Variants in HCN1 observed in about 807,000 individuals in gnomAD.
HCN1 encodes potassium/sodium hyperpolarization-activated cyclic nucleotide-gated channel 1.
In HCN1, 13 loss-of-function variants were observed where a neutral mutation model predicts 78.9. The observed-to-expected ratio is 0.16, with a 90% CI of 0.11 to 0.26. The LOEUF is 0.26. HCN1 is among the 10% of genes least tolerant of loss of function. The pLI is 1.00. For missense variants in HCN1, 810 were observed against 1,154.3 expected (o/e 0.70, Z 4.32); for synonymous variants, 552 against 455.5 (o/e 1.21, Z -2.70).
At chr5:45,448,478 C>G (rs6875925) in intron 3 of HCN1, among the ~76,000 whole-genome samples, 10,452 of 152,264 alleles carry the variant, frequency 0.069, 448 homozygotes, top group East Asian at 0.14. Context: ...CCAAGTATTA[C>G]TAAATGCCAT....
intron 6 of HCN1, among the ~76,000 whole-genome samples, chr5:45,302,446 G>C (rs1339948988): frequency 1.3e-5 from 2 of 152,014 alleles, no homozygotes; most frequent in Non-Finnish European, 2.9e-5. Flanking sequence ...ATTTACAGTA[G>C]TGTGAAAATG....
intron 1 of HCN1, among the ~76,000 whole-genome samples, chr5:45,648,068 G>A (rs1446764447): frequency 1.3e-5 from 2 of 152,136 alleles, no homozygotes; most frequent in East Asian, 1.9e-4. Flanking sequence ...TGGATTAAAC[G>A]AGACGATATA....
At chr5:45,363,332 G>A (rs1747163725) in intron 4 of HCN1, among the ~76,000 whole-genome samples, 2 of 151,300 alleles carry the variant, frequency 1.3e-5, no homozygotes, top group Admixed American at 6.6e-5. Context: ...AACTTGCTCA[G>A]CTCAACCTAG....
At chr5:45,505,948 A>T (rs1284804785) in intron 2 of HCN1, among the ~76,000 whole-genome samples, 1 of 152,158 alleles carries the variant, frequency 6.6e-6, no homozygotes, top group Non-Finnish European at 1.5e-5. Context: ...TGACATAATA[A>T]AGGTATCATT....
At chr5:45,479,856 T>A (rs578110030) in intron 2 of HCN1, among the ~76,000 whole-genome samples, 76 of 152,334 alleles carry the variant, frequency 5.0e-4, no homozygotes, top group Non-Finnish European at 1.0e-3. Flanking sequence ...TTGTCTTATA[T>A]TTTTAACTAA....
chr5:45,585,072 G>T (rs1415849841), intron 2 of HCN1, among the ~76,000 whole-genome samples: 1 of 152,142 alleles, frequency 6.6e-6, no homozygotes, highest in Non-Finnish European at 1.5e-5. Context: ...TTGAATGTTG[G>T]CCTGCCTTGC....
intron 5 of HCN1, among the ~76,000 whole-genome samples, chr5:45,346,021 G>A (rs1010254448): frequency 5.9e-5 from 9 of 152,248 alleles, no homozygotes; most frequent in Non-Finnish European, 1.0e-4. Flanking sequence ...CATGGCAGAA[G>A]GGGAAGCAAA....
intron 1 of HCN1, among the ~76,000 whole-genome samples, chr5:45,688,233 G>A (rs1311203478): frequency 2.0e-5 from 3 of 152,064 alleles, no homozygotes; most frequent in African/African-American, 7.2e-5. Flanking sequence ...AATCCATCAC[G>A]TTTCCCAGAA....
At chr5:45,601,916 T>C (rs1744632560) in intron 2 of HCN1, among the ~76,000 whole-genome samples, 1 of 152,044 alleles carries the variant, frequency 6.6e-6, no homozygotes, top group Admixed American at 6.6e-5. Flanking sequence ...GCTCCCATAA[T>C]CCCCAGTGTT....
rs1451034951 is a variant in HCN1 at position 45,261,694 on chromosome 5, T to A, written c.*227A>T. The A allele has an allele frequency of 2.4e-6, 1 of 424,666 alleles. No individual in the cohort carries two copies. Among genetic ancestry groups the A allele is most frequent in the African/African-American group, 2.0e-5 (1 of 50,596 alleles). 26.3% of individuals were successfully genotyped at this position (424,666 alleles called of 1,614,324 possible). On this transcript the variant is annotated 3_prime_UTR_variant, in exon 8 of 8. Transcript: ENST00000303230. ...TTAATGATTTAAAGAAAGGAAGACATATAACACTGAATGCTAAACAGGTCT... is the reference window on the plus strand; with the variant it reads ...TTAATGATTTAAAGAAAGGAAGACAAATAACACTGAATGCTAAACAGGTCT...
intron 6 of HCN1, among the ~76,000 whole-genome samples, chr5:45,272,358 A>G (rs1364034560): frequency 1.3e-5 from 2 of 152,048 alleles, no homozygotes; most frequent in Non-Finnish European, 2.9e-5. Context: ...GAAATTATGT[A>G]TGTATTAGTT....
intron 1 of HCN1, among the ~76,000 whole-genome samples, chr5:45,685,348 A>T (rs1739782321): frequency 6.6e-6 from 1 of 152,226 alleles, no homozygotes; most frequent in Non-Finnish European, 1.5e-5. Flanking sequence ...CTATTTCCAA[A>T]TGTTCAATAC....
chr5:45,303,860 C>A, intron 5 of HCN1, 21 bp from the exon 6 acceptor site: 1 of 1,604,206 alleles, frequency 6.2e-7, no homozygotes, highest in East Asian at 2.2e-5. Flanking sequence ...CAAGAGTAAA[C>A]AAATATTAAG....
At chr5:45,584,866 C>A (rs1259816892) in intron 2 of HCN1, among the ~76,000 whole-genome samples, 16 of 152,342 alleles carry the variant, frequency 1.1e-4, no homozygotes, top group Non-Finnish European at 1.8e-4. Flanking sequence ...CCCCCACTCT[C>A]TTCTGGCTTA....
intron 1 of HCN1, among the ~76,000 whole-genome samples, chr5:45,680,781 G>A (rs897441244): frequency 2.6e-5 from 4 of 151,912 alleles, no homozygotes; most frequent in African/African-American, 9.7e-5. Context: ...AATAGGGTTG[G>A]TAAAATTATG....
Position 45,267,117 on chromosome 5 carries a change from T to G in HCN1, c.1755A>C (p.Thr585=). 3.1e-6 allele frequency: 5 copies of G among 1,613,970 alleles called. No individual in the cohort carries two copies. The highest frequency in any genetic ancestry group is 4.2e-6 in the Non-Finnish European group (5 of 1,179,840). ...TTCGATCTAGTCGGTCAATGGCAAC[T>G]GTCTCAAAGGCTCTCCTCATCATTG... ...EYPMMRRAFE[T]VAIDRLDRIG... The change falls in exon 7 of 8, where the codon ACA becomes ACC. Residue 585 remains threonine, a synonymous_variant. Coordinates refer to ENST00000303230, the MANE Select transcript of HCN1 (RefSeq NM_021072.4).
rs1405379848 is a variant in HCN1, at chr5:45,257,283, TTCC to T, written c.*4635_*4637del. On this transcript the variant is annotated 3_prime_UTR_variant, in exon 8 of 8. Transcript: ENST00000303230. ...ATCCCTATTTCCCACTTGATCTGGG[TTCC>T]TCTTCACCCTGTGAGACACTCCAGC... is the stretch of plus-strand genomic sequence containing the variant. The T allele has an allele frequency of 1.3e-5, 2 of 152,222 alleles. No individual in the cohort carries two copies. The highest frequency in any genetic ancestry group is 4.8e-5 in the African/African-American group (2 of 41,448). 9.4% of individuals were successfully genotyped at this position (152,222 alleles called of 1,614,324 possible).
intron 4 of HCN1, among the ~76,000 whole-genome samples, chr5:45,376,783 A>G (rs1747689731): frequency 6.6e-6 from 1 of 151,834 alleles, no homozygotes; most frequent in Admixed American, 6.6e-5. Context: ...TTTTATACAT[A>G]GAACACATGC....
chr5:45,603,598 T>C (rs1579994524), intron 2 of HCN1, among the ~76,000 whole-genome samples: 1 of 152,050 alleles, frequency 6.6e-6, no homozygotes. Context: ...GAATTTGTTA[T>C]AGGGAAAATC....
Sources: gnomAD v4.1 joint callset for allele counts (sites outside exome capture counted in the v4.1 genomes callset) on GRCh38, gnomAD v4.1.1 for gene constraint, MANE v1.5 for transcripts, NCBI Gene and HGNC (gene_info 2026-07-23, HGNC 2026-07-21) for gene names.